LIN54: variants seen among roughly 807,000 people sequenced by gnomAD.
The protein encoded by LIN54 is lin-54 DREAM MuvB core complex component.
In LIN54, 9 loss-of-function variants were observed where a neutral mutation model predicts 78.7. The ratio of observed to expected loss-of-function variants is 0.11; its 90% CI spans 0.07 to 0.20. The LOEUF (loss-of-function observed/expected upper bound fraction) is 0.20. Ranked by LOEUF, LIN54 falls within the 10% of genes least tolerant of loss-of-function variation. LIN54 has a pLI of 1.00. For synonymous variants in LIN54, 269 were observed against 318.4 expected (o/e 0.84, Z 1.65); for missense variants, 573 against 889.9 (o/e 0.64, Z 4.53).
intron 3 of LIN54, among the ~76,000 whole-genome samples, chr4:82,974,822 G>A (rs2126076365): frequency 6.7e-6 from 1 of 150,306 alleles, no homozygotes; most frequent in East Asian, 2.0e-4. Context: ...TCACACCACT[G>A]CACTCCAGCC....
At chr4:82,951,859 T>C (rs1196287973) in intron 4 of LIN54, among the ~76,000 whole-genome samples, 1 of 152,124 alleles carries the variant, frequency 6.6e-6, no homozygotes, top group Non-Finnish European at 1.5e-5. Flanking sequence ...GGTGCTGAGA[T>C]AGTTCAACAG....
intron 12 of LIN54, 41 bp from the exon 13 acceptor site, chr4:82,928,344 A>T: frequency 6.9e-7 from 1 of 1,459,410 alleles, no homozygotes; most frequent in Non-Finnish European, 9.6e-7. Context: ...GGTGGTGTTA[A>T]ATAACAACAA....
At chr4:82,973,543 T>A (rs962728362) in intron 3 of LIN54, among the ~76,000 whole-genome samples, 1 of 152,186 alleles carries the variant, frequency 6.6e-6, no homozygotes, top group South Asian at 2.1e-4. Context: ...AGAGACACAC[T>A]CCATAAAGCC....
chr4:82,967,916 C>T (rs972434945), intron 4 of LIN54, among the ~76,000 whole-genome samples: 1 of 152,172 alleles, frequency 6.6e-6, no homozygotes, highest in African/African-American at 2.4e-5. Context: ...TTCTCCACCG[C>T]GAATCCCTGA....
chr4:82,949,495 C>T (rs1723680175), intron 4 of LIN54, among the ~76,000 whole-genome samples: 1 of 152,132 alleles, frequency 6.6e-6, no homozygotes, highest in South Asian at 2.1e-4. Context: ...CTCCTGAGTT[C>T]ATGTGATTCT....
At chr4:82,934,763 TGA>T (rs1193913478) in intron 11 of LIN54, among the ~76,000 whole-genome samples, 1 of 152,016 alleles carries the variant, frequency 6.6e-6, no homozygotes, top group Non-Finnish European at 1.5e-5. Context: ...TGAAAATATA[TGA>T]GAGTATGAGA....
chr4:82,947,231 A>ATTTTTT (rs1390095473), intron 4 of LIN54, among the ~76,000 whole-genome samples: 61 of 13,936 alleles, frequency 4.4e-3, no homozygotes, highest in African/African-American at 5.9e-3. Context: ...ATATATATAT[A>ATTTTTT]TATATTTTTT....
At chr4:82,947,896 C>A (rs1474669850) in intron 4 of LIN54, among the ~76,000 whole-genome samples, 2 of 152,002 alleles carry the variant, frequency 1.3e-5, no homozygotes, top group South Asian at 2.1e-4. Flanking sequence ...ATTTATGAAA[C>A]AAGAATTCTA....
chr4:82,949,862 T>TTC (rs1416568453), intron 4 of LIN54, among the ~76,000 whole-genome samples: 2 of 149,968 alleles, frequency 1.3e-5, no homozygotes, highest in Non-Finnish European at 3.0e-5. Context: ...TTTTTTTTTT[T>TTC]CCAGATGGAG....
At chr4:82,993,652 C>CT (rs1177502132) in intron 1 of LIN54, among the ~76,000 whole-genome samples, 1 of 151,768 alleles carries the variant, frequency 6.6e-6, no homozygotes, top group Non-Finnish European at 1.5e-5. Context: ...GTGCCTCACT[C>CT]TGTCACCCAG....
chr4:82,955,637 G>A (rs1724252538), intron 4 of LIN54, among the ~76,000 whole-genome samples: 1 of 151,904 alleles, frequency 6.6e-6, no homozygotes, highest in Admixed American at 6.6e-5. Flanking sequence ...AACATTAAAG[G>A]AGCTAGGCAT....
intron 1 of LIN54, among the ~76,000 whole-genome samples, chr4:82,985,139 C>G (rs1355912340): frequency 6.6e-6 from 1 of 152,174 alleles, no homozygotes; most frequent in Non-Finnish European, 1.5e-5. Context: ...TGCACTCAGG[C>G]AACACTAAGT....
At chr4:82,952,651 T>C (rs1224835273) in intron 4 of LIN54, among the ~76,000 whole-genome samples, 2 of 152,182 alleles carry the variant, frequency 1.3e-5, no homozygotes, top group African/African-American at 4.8e-5. Flanking sequence ...TGAAGAGATA[T>C]TTGTAAACTC....
At chr4:82,975,274 C>T (rs1726071224) in intron 3 of LIN54, among the ~76,000 whole-genome samples, 1 of 150,108 alleles carries the variant, frequency 6.7e-6, no homozygotes. Flanking sequence ...AGGAGAATCA[C>T]TTAGTGAGTT....
intron 3 of LIN54, among the ~76,000 whole-genome samples, chr4:82,976,565 G>T (rs1726179819): frequency 6.6e-6 from 1 of 152,098 alleles, no homozygotes; most frequent in African/African-American, 2.4e-5. Context: ...AAAATTAGCT[G>T]GTTGTGGTGG....
chr4:82,990,272 T>G (rs1727550386), intron 1 of LIN54, among the ~76,000 whole-genome samples: 2 of 152,162 alleles, frequency 1.3e-5, no homozygotes, highest in Non-Finnish European at 2.9e-5. Context: ...CTAGTAATCT[T>G]CCATGGATAC....
chr4:82,987,256 A>C (rs1727233915), intron 1 of LIN54, among the ~76,000 whole-genome samples: 2 of 152,214 alleles, frequency 1.3e-5, no homozygotes, highest in African/African-American at 2.4e-5. Context: ...GTGCCACTGC[A>C]CTCCAGCCTG....
At chr4:82,984,994 A>C in intron 1 of LIN54, 118 bp from the exon 2 acceptor site, 1 of 657,674 alleles carries the variant, frequency 1.5e-6, no homozygotes, top group East Asian at 2.7e-5. Flanking sequence ...AATTGAATGA[A>C]GAATATTCCT....
intron 11 of LIN54, among the ~76,000 whole-genome samples, chr4:82,931,634 A>G (rs1318700562): frequency 3.9e-5 from 6 of 152,322 alleles, no homozygotes; most frequent in Admixed American, 1.3e-4. Context: ...GAGGGACTTC[A>G]GATTCCCCAA....
Sources: gnomAD v4.1 joint callset for allele counts (sites outside exome capture counted in the v4.1 genomes callset) on GRCh38, gnomAD v4.1.1 for gene constraint, MANE v1.5 for transcripts, NCBI Gene and HGNC (gene_info 2026-07-23, HGNC 2026-07-21) for gene names.